The following DAB1 variants were observed in gnomAD, a reference collection of about 807,000 sequenced individuals.
The protein encoded by DAB1 is disabled homolog 1.
In DAB1, 15 loss-of-function variants were observed where a neutral mutation model predicts 64.6. That is an observed-to-expected ratio of 0.23 (90% CI 0.16 to 0.36). The LOEUF is 0.36. Among genes scored for constraint, DAB1 ranks in the 10% least tolerant of loss-of-function variants. The pLI, the probability that DAB1 is intolerant of heterozygous loss-of-function variation, is 1.00. For synonymous variants in DAB1, 235 were observed against 251.9 expected (o/e 0.93, Z 0.64); for missense variants, 596 against 706.7 (o/e 0.84, Z 1.78).
intron 6 of DAB1, among the ~76,000 whole-genome samples, chr1:57,757,568 C>A (rs1428793890): frequency 6.6e-6 from 1 of 152,104 alleles, no homozygotes; most frequent in Non-Finnish European, 1.5e-5. Context: ...TTCACATCAT[C>A]CTCTGCTGTG....
At chr1:57,253,404 C>A (rs1188229304) in intron 2 of DAB1, among the ~76,000 whole-genome samples, 1 of 152,148 alleles carries the variant, frequency 6.6e-6, no homozygotes, top group African/African-American at 2.4e-5. Flanking sequence ...GCTCCTGTGT[C>A]TGATTTGCAG....
intron 4 of DAB1, among the ~76,000 whole-genome samples, chr1:58,337,708 C>A (rs1490966772): frequency 2.6e-5 from 4 of 152,062 alleles, no homozygotes; most frequent in Non-Finnish European, 4.4e-5. Context: ...AACTGGAAAT[C>A]ATTATAAAAA....
chr1:57,986,838 A>G (rs371738523), intron 5 of DAB1, among the ~76,000 whole-genome samples: 2 of 152,210 alleles, frequency 1.3e-5, no homozygotes, highest in East Asian at 1.9e-4. Context: ...ATTAGCTACC[A>G]TTTATTAACT....
chr1:57,489,123 C>A (rs2101269344), intron 7 of DAB1, among the ~76,000 whole-genome samples: 1 of 152,328 alleles, frequency 6.6e-6, no homozygotes, highest in East Asian at 1.9e-4. Context: ...TCAGGATAAG[C>A]TGCCTCTTGA....
intron 5 of DAB1, among the ~76,000 whole-genome samples, chr1:58,079,046 T>G (rs1189943408): frequency 6.6e-6 from 1 of 152,184 alleles, no homozygotes; most frequent in Non-Finnish European, 1.5e-5. Context: ...TGGATTTTCT[T>G]TATTTTCATC....
chr1:57,455,464 T>C (rs897441820), intron 7 of DAB1, among the ~76,000 whole-genome samples: 1 of 152,114 alleles, frequency 6.6e-6, no homozygotes, highest in African/African-American at 2.4e-5. Flanking sequence ...GCTTTATCTG[T>C]AGGCTATGGG....
At chr1:57,248,350 T>A (rs1257994096) in intron 2 of DAB1, among the ~76,000 whole-genome samples, 1 of 152,148 alleles carries the variant, frequency 6.6e-6, no homozygotes, top group East Asian at 1.9e-4. Context: ...GGGTCAACTG[T>A]ACATTTTTAT....
intron 2 of DAB1, among the ~76,000 whole-genome samples, chr1:57,212,202 C>T (rs1666064377): frequency 6.6e-6 from 1 of 151,920 alleles, no homozygotes; most frequent in South Asian, 2.1e-4. Context: ...GATACCTAGC[C>T]CATCCCCCTG....
At chr1:57,290,728 T>G (rs1162326607) in intron 2 of DAB1, among the ~76,000 whole-genome samples, 1 of 152,206 alleles carries the variant, frequency 6.6e-6, no homozygotes, top group Non-Finnish European at 1.5e-5. Flanking sequence ...ATAAAGATAC[T>G]CCTTTATATC....
chr1:57,925,396 A>G (rs1193865945), intron 5 of DAB1, among the ~76,000 whole-genome samples: 1 of 152,224 alleles, frequency 6.6e-6, no homozygotes, highest in Non-Finnish European at 1.5e-5. Context: ...GTCACACTTG[A>G]AATACATGCA....
chr1:58,519,871 A>G (rs1214557857), intron 2 of DAB1, among the ~76,000 whole-genome samples: 1 of 152,262 alleles, frequency 6.6e-6, no homozygotes, highest in African/African-American at 2.4e-5. Context: ...ATGAAAAGAC[A>G]AAGTAACTGA....
intron 5 of DAB1, among the ~76,000 whole-genome samples, chr1:58,054,651 G>A (rs1647934238): frequency 6.6e-6 from 1 of 152,182 alleles, no homozygotes; most frequent in Admixed American, 6.5e-5. Context: ...TCACCATGGG[G>A]ATAAGTTTAA....
chr1:57,357,167 T>C (rs1040602386), intron 1 of DAB1, among the ~76,000 whole-genome samples: 11 of 152,040 alleles, frequency 7.2e-5, no homozygotes, highest in Non-Finnish European at 1.5e-4. Context: ...CAATTTAACA[T>C]AAACACATCA....
chr1:57,532,545 T>G (rs1209770723), intron 7 of DAB1, among the ~76,000 whole-genome samples: 1 of 152,232 alleles, frequency 6.6e-6, no homozygotes, highest in Non-Finnish European at 1.5e-5. Context: ...AAGCAAAGCA[T>G]TCGCAGATAA....
intron 7 of DAB1, among the ~76,000 whole-genome samples, chr1:57,605,446 TA>T (rs1199893905): frequency 6.6e-6 from 1 of 152,166 alleles, no homozygotes; most frequent in Non-Finnish European, 1.5e-5. Flanking sequence ...GGACATACAG[TA>T]AACTATAGGA....
chr1:58,540,407 T>C lies in DAB1; in HGVS notation n.32+6296A>G, dbSNP rs77057570. Among the ~76,000 whole-genome samples, 8 of 151,574 alleles carry C rather than the reference T, an allele frequency of 5.3e-5. No homozygotes were observed. In the East Asian group the frequency reaches 1.6e-3, roughly 29 times the overall value. On this transcript the variant is annotated intron_variant and non_coding_transcript_variant, in intron 1 of 20. Transcript: ENST00000485760. ...ATATGTGATCCACAATTAGAAGAAA[T>C]ATCAATCAGTGGAAACTAACTCCTA...
chr1:57,852,217 C>G (rs1448676160), intron 1 of DAB1, among the ~76,000 whole-genome samples: 2 of 152,138 alleles, frequency 1.3e-5, no homozygotes, highest in Non-Finnish European at 2.9e-5. Flanking sequence ...GCCCTGTTCC[C>G]TGGGGGAAAG....
At chr1:57,720,089 A>C (rs1407086061) in intron 6 of DAB1, among the ~76,000 whole-genome samples, 2 of 152,190 alleles carry the variant, frequency 1.3e-5, no homozygotes, top group Non-Finnish European at 2.9e-5. Flanking sequence ...ACTCCTCAAG[A>C]ATCTCAGAGT....
intron 2 of DAB1, among the ~76,000 whole-genome samples, chr1:57,210,977 G>A (rs986369339): frequency 6.6e-6 from 1 of 152,114 alleles, no homozygotes; most frequent in Non-Finnish European, 1.5e-5. Flanking sequence ...ATTCTAATCT[G>A]GTATTGATAA....
Sources: gnomAD v4.1 joint callset for allele counts (sites outside exome capture counted in the v4.1 genomes callset) on GRCh38, gnomAD v4.1.1 for gene constraint, MANE v1.5 for transcripts, NCBI Gene and HGNC (gene_info 2026-07-23, HGNC 2026-07-21) for gene names.